AFAP1L1: variants seen among roughly 807,000 people sequenced by gnomAD.
AFAP1L1 encodes the protein actin filament associated protein 1 like 1, also known as actin filament-associated protein 1-like 1.
Under a neutral mutation model 99.8 loss-of-function variants are expected in AFAP1L1, and 77 were observed. The observed-to-expected ratio is 0.77, with a 90% CI of 0.64 to 0.93. The LOEUF is 0.93. Among genes scored for constraint, AFAP1L1 ranks in the 40% least tolerant of loss-of-function variants. AFAP1L1 has a pLI of 0.00. For synonymous variants in AFAP1L1, 373 were observed against 395.3 expected (o/e 0.94, Z 0.67); for missense variants, 893 against 996.8 (o/e 0.90, Z 1.40).
At chr5:149,333,625 C>T (rs1757320049) in intron 17 of AFAP1L1, among the ~76,000 whole-genome samples, 1 of 152,228 alleles carries the variant, frequency 6.6e-6, no homozygotes, top group Admixed American at 6.5e-5. Context: ...ACACTACTGA[C>T]ATTTTGGACC....
chr5:149,289,908 G>A (rs1755798834), intron 1 of AFAP1L1, among the ~76,000 whole-genome samples: 1 of 152,208 alleles, frequency 6.6e-6, no homozygotes, highest in Admixed American at 6.5e-5. Context: ...GTTTCCACAT[G>A]TGTAAGTGGG....
intron 1 of AFAP1L1, among the ~76,000 whole-genome samples, chr5:149,278,709 A>T (rs915510582): frequency 6.6e-6 from 1 of 152,132 alleles, no homozygotes; most frequent in Non-Finnish European, 1.5e-5. Flanking sequence ...ATGCAATAAT[A>T]TTTGCCTAGC....
At chr5:149,326,955 A>T (rs1410651167) in intron 15 of AFAP1L1, among the ~76,000 whole-genome samples, 1 of 152,214 alleles carries the variant, frequency 6.6e-6, no homozygotes, top group East Asian at 1.9e-4. Flanking sequence ...ACAAATAAGA[A>T]AATAACAACC....
intron 17 of AFAP1L1, among the ~76,000 whole-genome samples, chr5:149,335,161 G>A (rs1757367521): frequency 6.6e-6 from 1 of 152,160 alleles, no homozygotes; most frequent in Non-Finnish European, 1.5e-5. Context: ...CTTGTTCAAT[G>A]CTGTCATGTT....
chr5:149,287,291 C>T (rs796395260), intron 1 of AFAP1L1, among the ~76,000 whole-genome samples: 2 of 152,024 alleles, frequency 1.3e-5, no homozygotes, highest in African/African-American at 4.8e-5. Flanking sequence ...TCTGGTTGTA[C>T]TAAAACTATA....
intron 13 of AFAP1L1, 60 bp downstream of exon 13, chr5:149,319,787 A>G: frequency 6.3e-7 from 1 of 1,588,674 alleles, no homozygotes; most frequent in Non-Finnish European, 8.6e-7. Context: ...CATCCCTCTC[A>G]GAGGCTGAGT....
chr5:149,322,888 A>G (rs1339189110), intron 15 of AFAP1L1, among the ~76,000 whole-genome samples, 171 bp downstream of exon 15: 1 of 152,188 alleles, frequency 6.6e-6, no homozygotes, highest in African/African-American at 2.4e-5. Context: ...GATAAAGGGC[A>G]GCTAGCATGT....
intron 5 of AFAP1L1, among the ~76,000 whole-genome samples, chr5:149,305,739 G>A (rs72837099): frequency 0.027 from 4,168 of 152,270 alleles, 93 homozygotes; most frequent in Non-Finnish European, 0.037. Context: ...TTTCTTTGCA[G>A]TCCCAGAGGT....
At chr5:149,289,453 GT>G (rs35593208) in intron 1 of AFAP1L1, among the ~76,000 whole-genome samples, 2,514 of 147,764 alleles carry the variant, frequency 0.017, 23 homozygotes, top group Non-Finnish European at 0.024. Context: ...TTGCAGCTGG[GT>G]TTTTTTTTTT....
At chr5:149,273,805 C>T (rs965496657) in intron 1 of AFAP1L1, among the ~76,000 whole-genome samples, 21 of 151,512 alleles carry the variant, frequency 1.4e-4, no homozygotes, top group Admixed American at 1.1e-3. Context: ...TCCCCAACCT[C>T]TCCACCACCC....
chr5:149,292,541 T>G (rs1372804214), intron 1 of AFAP1L1, among the ~76,000 whole-genome samples: 2 of 152,096 alleles, frequency 1.3e-5, no homozygotes, highest in East Asian at 3.9e-4. Flanking sequence ...TTTAAATAGG[T>G]TTCTAAATTT....
In AFAP1L1 at chr5:149,341,782, G is replaced by T. The variant is rs1757567790; in HGVS notation, c.*1752G>T. On this transcript the variant is annotated 3_prime_UTR_variant, in exon 19 of 19. Transcript: ENST00000296721. Reference sequence around the variant, plus strand: ...ACCCCATCTATTAAAAAAAAAAAGTGGCTATTATTAGCTATATCAGAAATG... The same window carrying T: ...ACCCCATCTATTAAAAAAAAAAAGTTGCTATTATTAGCTATATCAGAAATG... 6.6e-6 allele frequency: 1 copy of T among 151,920 alleles called. No homozygotes were observed. Among genetic ancestry groups the T allele is most frequent in the Admixed American group, 6.6e-5 (1 of 15,248 alleles). The allele number at this position is 151,920 out of a possible 1,614,324, so 9.4% of individuals were successfully genotyped here.
intron 15 of AFAP1L1, among the ~76,000 whole-genome samples, chr5:149,323,125 AT>A (rs1020316035): frequency 2.0e-5 from 3 of 151,612 alleles, no homozygotes; most frequent in African/African-American, 4.8e-5. Flanking sequence ...ATCAGCAACT[AT>A]TTTTTTTTAA....
chr5:149,271,902 G>C lies in AFAP1L1; in HGVS notation c.-67G>C. 8.5e-7 allele frequency: 1 copy of C among 1,176,508 alleles called. No homozygotes were observed. The highest frequency in any genetic ancestry group is 1.6e-5 in the African/African-American group (1 of 62,718). The allele number at this position is 1,176,508 out of a possible 1,614,324, so 72.9% of individuals were successfully genotyped here. A position where few individuals can be genotyped will look rare whatever the true frequency, so the allele number is the denominator to read the frequency against. On this transcript the variant is annotated 5_prime_UTR_variant, in exon 1 of 19. Coordinates refer to ENST00000296721, the MANE Select transcript of AFAP1L1 (RefSeq NM_152406.4). The stretch of plus-strand genomic sequence containing the variant: ...GGCTGGCCTGAGAGCGCAGCGCGCC[G>C]GCCGCTACCAGCCGCGCCGGAGCCC...
intron 1 of AFAP1L1, among the ~76,000 whole-genome samples, chr5:149,286,301 G>A (rs1308739481): frequency 6.6e-6 from 1 of 152,160 alleles, no homozygotes; most frequent in Admixed American, 6.5e-5. Flanking sequence ...ACACAGAGAA[G>A]TCACTTGCCC....
intron 1 of AFAP1L1, among the ~76,000 whole-genome samples, chr5:149,282,919 G>A (rs969619624): frequency 1.3e-5 from 2 of 152,100 alleles, no homozygotes; most frequent in Admixed American, 6.6e-5. Flanking sequence ...ACTACTTTTG[G>A]CCTCAGAAAC....
Position 149,271,905 on chromosome 5 carries a change from C to A in AFAP1L1, c.-64C>A. 2.5e-6 allele frequency: 3 copies of A among 1,184,004 alleles called. No individual in the cohort carries two copies. Among genetic ancestry groups the A allele is most frequent in the Admixed American group, 8.8e-5 (2 of 22,646 alleles). 73.3% of individuals were successfully genotyped at this position (1,184,004 alleles called of 1,614,324 possible). A position where few individuals can be genotyped will look rare whatever the true frequency, so the allele number is the denominator to read the frequency against. On this transcript the variant is annotated 5_prime_UTR_variant, in exon 1 of 19. Transcript: ENST00000296721. ...TGGCCTGAGAGCGCAGCGCGCCGGC[C>A]GCTACCAGCCGCGCCGGAGCCCCTG...
chr5:149,281,431 C>A (rs1215730335), intron 1 of AFAP1L1, among the ~76,000 whole-genome samples: 1 of 152,208 alleles, frequency 6.6e-6, no homozygotes, highest in East Asian at 1.9e-4. Flanking sequence ...TCTCTCCTGA[C>A]TTTGGGTTAC....
chr5:149,309,824 G>A (rs1232746970), intron 7 of AFAP1L1, 132 bp from the exon 8 acceptor site: 42 of 1,109,652 alleles, frequency 3.8e-5, no homozygotes, highest in East Asian at 7.5e-5. Context: ...TCCTCACACA[G>A]TGCCCATGGC....
Sources: gnomAD v4.1 joint callset for allele counts (sites outside exome capture counted in the v4.1 genomes callset) on GRCh38, gnomAD v4.1.1 for gene constraint, MANE v1.5 for transcripts, NCBI Gene and HGNC (gene_info 2026-07-23, HGNC 2026-07-21) for gene names.